ZFHX3: variants seen among roughly 807,000 people sequenced by gnomAD.
ZFHX3 encodes the protein zinc finger homeobox 3.
ZFHX3 carries 42 observed loss-of-function variants against 279.1 expected under a neutral mutation model. That is an observed-to-expected ratio of 0.15 (90% CI 0.12 to 0.19). ZFHX3 has a LOEUF of 0.19. Among genes scored for constraint, ZFHX3 ranks in the 10% least tolerant of loss-of-function variants. The pLI, the probability that ZFHX3 is intolerant of heterozygous loss-of-function variation, is 1.00. For synonymous variants in ZFHX3, 2,293 were observed against 1,957.8 expected (o/e 1.17, Z -4.52); for missense variants, 4,981 against 4,754.0 (o/e 1.05, Z -1.40).
intron 1 of ZFHX3, among the ~76,000 whole-genome samples, chr16:73,724,103 G>C (rs1407706168): frequency 1.3e-5 from 2 of 152,182 alleles, no homozygotes; most frequent in Non-Finnish European, 2.9e-5. Flanking sequence ...CTTTTGTCTG[G>C]GGAGGGGTGA....
intron 3 of ZFHX3, among the ~76,000 whole-genome samples, chr16:72,900,697 C>T (rs777372178): frequency 4.6e-5 from 7 of 152,190 alleles, no homozygotes; most frequent in East Asian, 1.9e-4. Context: ...AGGCATGCTA[C>T]GCCCTAGATC....
At chr16:73,783,329 C>A (rs1422130482) in intron 1 of ZFHX3, among the ~76,000 whole-genome samples, 1 of 152,234 alleles carries the variant, frequency 6.6e-6, no homozygotes, top group African/African-American at 2.4e-5. Flanking sequence ...CACTGTTGAA[C>A]TCTTTCCTGT....
At chr16:73,153,647 T>TTATTA (rs1465028100) in intron 5 of ZFHX3, among the ~76,000 whole-genome samples, 1 of 152,072 alleles carries the variant, frequency 6.6e-6, no homozygotes, top group Admixed American at 6.6e-5. Flanking sequence ...AAGCACTCTT[T>TTATTA]TTTTATTTTA....
chr16:73,093,803 T>G, intron 7 of ZFHX3: 1 of 273,718 alleles, frequency 3.7e-6, no homozygotes, highest in Non-Finnish European at 7.4e-6. Flanking sequence ...ATGAGTGATG[T>G]GTTCACTTTT....
intron 1 of ZFHX3, among the ~76,000 whole-genome samples, chr16:73,681,477 C>CA (rs1382022108): frequency 4.6e-5 from 7 of 152,080 alleles, no homozygotes; most frequent in Non-Finnish European, 7.4e-5. Context: ...AGGGCTAATC[C>CA]AAAATGGGGA....
chr16:73,492,846 T>C (rs1045965223), intron 2 of ZFHX3, among the ~76,000 whole-genome samples: 1 of 152,228 alleles, frequency 6.6e-6, no homozygotes, highest in East Asian at 1.9e-4. Context: ...CCTAGCGGAC[T>C]GTGGTGAGAC....
Position 72,787,699 on chromosome 16 carries a change from C to CCGCCGA in ZFHX3, c.10576_10577insTCGGCG (p.Gly3525_Gly3526insValGly), listed in dbSNP as rs756322196. 4 of 1,314,286 alleles carry CCGCCGA rather than the reference C, an allele frequency of 3.0e-6. No homozygotes were observed. In the African/African-American group the frequency reaches 6.1e-5, roughly 20 times the overall value. The allele number at this position is 1,314,286 out of a possible 1,614,324, so 81.4% of individuals were successfully genotyped here. ...GCACGCCAGGCAGTGGTACGAGCCGCCGCCGCCGCCGCCGCCGCCACCGCC... is the reference window on the plus strand; with the variant it reads ...GCACGCCAGGCAGTGGTACGAGCCGCCGCCGACGCCGCCGCCGCCGCCGCCACCGCC... On this transcript the variant is annotated inframe_insertion, in exon 10 of 10. Transcript: ENST00000268489.
intron 3 of ZFHX3, among the ~76,000 whole-genome samples, chr16:73,431,866 TG>T (rs2017917445): frequency 6.6e-6 from 1 of 152,162 alleles, no homozygotes; most frequent in South Asian, 2.1e-4. Context: ...GTAGTGTCAT[TG>T]GAGGTGAGTC....
At chr16:73,730,300 T>C (rs1341973569) in intron 1 of ZFHX3, among the ~76,000 whole-genome samples, 3 of 142,860 alleles carry the variant, frequency 2.1e-5, no homozygotes, top group Non-Finnish European at 4.5e-5. Context: ...GCTCAAATTC[T>C]GTTACAACAA....
intron 4 of ZFHX3, among the ~76,000 whole-genome samples, chr16:72,833,283 T>A (rs556920496): frequency 1.3e-5 from 2 of 152,338 alleles, no homozygotes; most frequent in East Asian, 3.9e-4. Context: ...GAATGTAGAT[T>A]TGATACACAC....
intron 5 of ZFHX3, among the ~76,000 whole-genome samples, chr16:73,211,616 G>A (rs2144910502): frequency 6.6e-6 from 1 of 152,054 alleles, no homozygotes; most frequent in African/African-American, 2.4e-5. Context: ...AGTGTCCACA[G>A]TGCAGGAACT....
intron 1 of ZFHX3, among the ~76,000 whole-genome samples, chr16:73,749,517 A>G (rs536044924): frequency 6.6e-6 from 1 of 152,340 alleles, no homozygotes; most frequent in Non-Finnish European, 1.5e-5. Context: ...GGCAGAGTCC[A>G]TATCTTCATC....
rs1199361498 is a variant in ZFHX3, at chr16:72,811,950, G to A, written c.3618C>T (p.Leu1206=). 2 of 1,614,038 alleles carry A rather than the reference G, an allele frequency of 1.2e-6. No individual in the cohort carries two copies. The highest frequency in any genetic ancestry group is 1.7e-6 in the Non-Finnish European group (2 of 1,180,040). The part of the protein sequence containing the change: ...ISFPGSSESP[L]SSKRPKTAEE... ...CAGCTGTTTTTGGTCGCTTCGAAGA[G>A]AGGGGAGACTCTGAGCTACCTGGGA... The change falls in exon 6 of 10, where the codon CTC becomes CTT. Residue 1206 remains leucine, a synonymous_variant. Transcript: ENST00000268489.
chr16:73,413,358 G>A (rs1014956245), intron 3 of ZFHX3, among the ~76,000 whole-genome samples: 1 of 152,180 alleles, frequency 6.6e-6, no homozygotes. Context: ...CTGTACATAA[G>A]GGAGTGAAGG....
At chr16:73,267,424 A>G (rs2014007608) in intron 4 of ZFHX3, among the ~76,000 whole-genome samples, 1 of 152,074 alleles carries the variant, frequency 6.6e-6, no homozygotes, top group African/African-American at 2.4e-5. Context: ...GAAGAAGTGG[A>G]ATTTGGGCAT....
At chr16:73,766,915 T>C (rs1290194274) in intron 1 of ZFHX3, among the ~76,000 whole-genome samples, 4 of 151,192 alleles carry the variant, frequency 2.6e-5, no homozygotes, top group African/African-American at 7.3e-5. Flanking sequence ...GCAAAGGTAA[T>C]TGTGGGTTTT....
intron 7 of ZFHX3, among the ~76,000 whole-genome samples, chr16:73,125,610 C>A (rs1238819659): frequency 6.6e-6 from 1 of 151,980 alleles, no homozygotes; most frequent in Non-Finnish European, 1.5e-5. Flanking sequence ...GAGAGACTCC[C>A]TAGCCTCCCA....
At chr16:73,711,938 T>C (rs1293013337) in intron 1 of ZFHX3, among the ~76,000 whole-genome samples, 1 of 152,088 alleles carries the variant, frequency 6.6e-6, no homozygotes, top group East Asian at 1.9e-4. Flanking sequence ...CTGGCCACAC[T>C]CTCTGGGAAA....
chr16:73,786,209 T>C (rs1032452905), intron 1 of ZFHX3, among the ~76,000 whole-genome samples: 4 of 152,112 alleles, frequency 2.6e-5, no homozygotes, highest in Non-Finnish European at 5.9e-5. Flanking sequence ...TACTCTTATT[T>C]CATGGATGTG....
Sources: gnomAD v4.1 joint callset for allele counts (sites outside exome capture counted in the v4.1 genomes callset) on GRCh38, gnomAD v4.1.1 for gene constraint, MANE v1.5 for transcripts, NCBI Gene and HGNC (gene_info 2026-07-23, HGNC 2026-07-21) for gene names.